Variants in RNF19A observed in about 807,000 individuals in gnomAD.
RNF19A encodes E3 ubiquitin-protein ligase RNF19A.
In RNF19A, 32 loss-of-function variants were observed where a neutral mutation model predicts 75.7. The observed-to-expected ratio is 0.42, with a 90% CI of 0.32 to 0.57. The LOEUF (loss-of-function observed/expected upper bound fraction) is 0.57. Among genes scored for constraint, RNF19A ranks in the 20% least tolerant of loss-of-function variants. The probability of loss-of-function intolerance (pLI) is 0.10; values close to 1 mark genes in which losing one functional copy is unlikely to be tolerated. For missense variants in RNF19A, 782 were observed against 1,036.3 expected (o/e 0.75, Z 3.37); for synonymous variants, 335 against 345.2 (o/e 0.97, Z 0.33).
chr8:100,261,828 T>A lies in RNF19A; in HGVS notation c.1469-73A>T. The A allele has an allele frequency of 1.4e-6, 2 of 1,422,428 alleles. No individual in the cohort carries two copies. The highest frequency in any genetic ancestry group is 2.0e-6 in the Non-Finnish European group (2 of 1,006,628). The allele number at this position is 1,422,428 out of a possible 1,614,324, so 88.1% of individuals were successfully genotyped here. On this transcript the variant is annotated intron_variant, in intron 7 of 9. Coordinates refer to ENST00000341084, the MANE Select transcript of RNF19A (RefSeq NM_183419.4). The surrounding 1 kb of genome is among the most constrained non-coding windows in gnomAD (Gnocchi z 4.4). ...TTCTCCTTCTTAAATTCCTCCATGA[T>A]TTCAGAGAGGACATTATATAAGGTA...
chr8:100,327,267 T>C (rs1300659286), intron 1 of RNF19A, among the ~76,000 whole-genome samples: 2 of 146,242 alleles, frequency 1.4e-5, no homozygotes, highest in African/African-American at 5.1e-5. Flanking sequence ...TTTTTTTTTT[T>C]TTGAGACAGA....
intron 3 of RNF19A, among the ~76,000 whole-genome samples, chr8:100,271,994 TAA>T (rs1459593065): frequency 6.6e-6 from 1 of 152,184 alleles, no homozygotes; most frequent in Non-Finnish European, 1.5e-5. Context: ...TGTTTACTGC[TAA>T]AATATGGGCC....
intron 1 of RNF19A, among the ~76,000 whole-genome samples, chr8:100,305,297 A>G (rs1822019506): frequency 6.6e-6 from 1 of 152,218 alleles, no homozygotes; most frequent in Non-Finnish European, 1.5e-5. Flanking sequence ...CTGACTTTCA[A>G]TCCAACTCAA....
At chr8:100,268,305 ATTG>A (rs1820084568) in intron 5 of RNF19A, among the ~76,000 whole-genome samples, 1 of 151,956 alleles carries the variant, frequency 6.6e-6, no homozygotes, top group Non-Finnish European at 1.5e-5. Context: ...CTTTCACAAG[ATTG>A]TTATAATTTG....
At chr8:100,293,240 T>C (rs926927703) in intron 1 of RNF19A, among the ~76,000 whole-genome samples, 89 of 152,242 alleles carry the variant, frequency 5.8e-4, no homozygotes, top group African/African-American at 2.1e-3. Context: ...TCTGGTGTCA[T>C]GTATCTTCAG....
chr8:100,264,116 G>C lies in RNF19A; in HGVS notation c.1386C>G (p.Val462=), dbSNP rs866332139. 3.7e-6 allele frequency: 6 copies of C among 1,613,460 alleles called. No individual in the cohort carries two copies. The highest frequency in any genetic ancestry group is 1.6e-4 in the Middle Eastern group (1 of 6,082). Residue 462 remains valine (V), a synonymous_variant, in exon 7 of 10, where the codon GTC becomes GTG. Coordinates refer to ENST00000341084, the MANE Select transcript of RNF19A (RefSeq NM_183419.4). The surrounding 1 kb of genome is among the most constrained non-coding windows in gnomAD (Gnocchi z 4.7). ...ISLCRSGGCG[V]SAGNGKGVRI... ...TAACTCCTTTTCCATTGCCTGCTGA[G>C]ACTCCACAACCTCCGCTTCGACAAA...
rs965233867 is a variant in RNF19A at position 100,261,987 on chromosome 8, T to A, written c.1469-232A>T. Among the ~76,000 whole-genome samples, 12 of 152,200 alleles carry A rather than the reference T, an allele frequency of 7.9e-5. No individual in the cohort carries two copies. The highest frequency in any genetic ancestry group is 1.6e-4 in the Non-Finnish European group (11 of 68,034). The stretch of plus-strand genomic sequence containing the variant: ...CCAGATTTAGGAATTCTATAAAGAA[T>A]ATGATTGTTAAAAAATATCGCTGAC... On this transcript the variant is annotated intron_variant, in intron 7 of 9. Coordinates refer to ENST00000341084, the MANE Select transcript of RNF19A (RefSeq NM_183419.4). The surrounding 1 kb of genome is among the most constrained non-coding windows in gnomAD (Gnocchi z 4.4).
Position 100,301,642 on chromosome 8 carries a change from C to T in RNF19A, c.-94+8225G>A, listed in dbSNP as rs114968943. Reference sequence around the variant, plus strand: ...GCTAGTCCTACTCCTCTTTCAAGGCCCAACTCCTATCTTATCTCCACAATC... The same window carrying T: ...GCTAGTCCTACTCCTCTTTCAAGGCTCAACTCCTATCTTATCTCCACAATC... On this transcript the variant is annotated intron_variant, in intron 1 of 9. Coordinates refer to ENST00000341084, the MANE Select transcript of RNF19A (RefSeq NM_183419.4). Among the ~76,000 whole-genome samples the T allele has an allele frequency of 1.2e-3, 189 of 152,290 alleles. 1 individual carries two copies. Among genetic ancestry groups the T allele is most frequent in the African/African-American group, 4.2e-3 (174 of 41,556 alleles).
chr8:100,261,813 T>G lies in RNF19A; in HGVS notation c.1469-58A>C, dbSNP rs1586592093. On this transcript the variant is annotated intron_variant, in intron 7 of 9. Coordinates refer to ENST00000341084, the MANE Select transcript of RNF19A (RefSeq NM_183419.4). The surrounding 1 kb of genome is among the most constrained non-coding windows in gnomAD (Gnocchi z 4.4). ...GTATGATTATCAATTTTCTCCTTCT[T>G]AAATTCCTCCATGATTTCAGAGAGG... 2.6e-6 allele frequency: 4 copies of G among 1,511,790 alleles called. No homozygotes were observed. The East Asian group carries it at 9.0e-5, about 34-fold the overall frequency. The allele number at this position is 1,511,790 out of a possible 1,614,324, so 93.6% of individuals were successfully genotyped here. A position where few individuals can be genotyped will look rare whatever the true frequency, so the allele number is the denominator to read the frequency against.
rs1243604916 is a variant in RNF19A, at chr8:100,324,788, TTTTC to T, written c.-243+11316_-243+11319del. ...TTGATTAAAGGCATTGATCTATCTT[TTTTC>T]TTTCTTTCTCTTTCTTCTTCCTTCC... On this transcript the variant is annotated intron_variant, in intron 1 of 3. Transcript: ENST00000519527. The surrounding 1 kb of genome is among the most constrained non-coding windows in gnomAD (Gnocchi z 4.2). Among the ~76,000 whole-genome samples the T allele has an allele frequency of 3.3e-5, 5 of 152,200 alleles. No individual in the cohort carries two copies. Among genetic ancestry groups the T allele is most frequent in the African/African-American group, 4.8e-5 (2 of 41,560 alleles).
At position 100,334,715 on chromosome 8, in the gene RNF19A, G is replaced by T. The variant is rs775958531; in HGVS notation, c.-243+1393C>A. On this transcript the variant is annotated intron_variant, in intron 1 of 3. Transcript: ENST00000519527. ...CCCACTCCTTTCAAGACCCAGCCCC[G>T]CTGGCGTGCACCCATTCAGCACTTT... Among the ~76,000 whole-genome samples, 4 of 152,116 alleles carry T rather than the reference G, an allele frequency of 2.6e-5. No homozygotes were observed. The East Asian group carries it at 7.7e-4, about 29-fold the overall frequency.
chr8:100,278,876 T>C lies in RNF19A; in HGVS notation c.675-3715A>G, dbSNP rs555470928. Among the ~76,000 whole-genome samples the C allele has an allele frequency of 2.0e-5, 3 of 152,208 alleles. No individual in the cohort carries two copies. The East Asian group carries it at 5.8e-4, about 29-fold the overall frequency. On this transcript the variant is annotated intron_variant, in intron 2 of 9. Coordinates refer to ENST00000341084, the MANE Select transcript of RNF19A (RefSeq NM_183419.4). ...GCCGTTTAAAAATTTCATGACAAGT[T>C]CCAAAATCTGGTACAATTTCCATAA...
At chr8:100,314,441 G>A (rs1641098396), upstream of RNF19A, among the ~76,000 whole-genome samples, 1 of 152,092 alleles carries the variant, frequency 6.6e-6, no homozygotes, top group Admixed American at 6.5e-5. This position sits in a 1 kb window ranked among gnomAD's most constrained non-coding sequence, Gnocchi z 4.1. Flanking sequence ...CTGGGATTTG[G>A]ACCATCCGGC....
chr8:100,293,064 G>C (rs762572010), intron 1 of RNF19A, among the ~76,000 whole-genome samples: 1 of 152,106 alleles, frequency 6.6e-6, no homozygotes, highest in East Asian at 1.9e-4. Flanking sequence ...AGTGCAGTTC[G>C]CAATACTCCT....
At chr8:100,293,404 T>C (rs1456584867) in intron 1 of RNF19A, among the ~76,000 whole-genome samples, 1 of 152,256 alleles carries the variant, frequency 6.6e-6, no homozygotes, top group East Asian at 1.9e-4. Flanking sequence ...CTTTATCCTT[T>C]CAGGACTTAA....
rs1820153881 is a variant in RNF19A, at chr8:100,269,552, C to G, written c.1028+317G>C. The stretch of plus-strand genomic sequence containing the variant: ...TATCTGATTATATCATAAACTCACT[C>G]TGTGCCTAAATGATAAAATTTATGT... On this transcript the variant is annotated intron_variant, in intron 4 of 9. Transcript: ENST00000341084. The surrounding 1 kb of genome is among the most constrained non-coding windows in gnomAD (Gnocchi z 5.7). Among the ~76,000 whole-genome samples, 2 of 152,066 alleles carry G rather than the reference C, an allele frequency of 1.3e-5. No individual in the cohort carries two copies. The highest frequency in any genetic ancestry group is 4.8e-5 in the African/African-American group (2 of 41,418).
chr8:100,325,789 A>G lies in RNF19A; in HGVS notation c.-243+10319T>C, dbSNP rs28542923. On this transcript the variant is annotated intron_variant, in intron 1 of 3. Coordinates refer to the RNF19A transcript ENST00000519527. The surrounding 1 kb of genome is among the most constrained non-coding windows in gnomAD (Gnocchi z 4.3). ...ATTACACACACACACACACATTTAT[A>G]TCCATAAAATCTAAGCTCATAATTT... 0.056 allele frequency among the ~76,000 whole-genome samples: 8,524 copies of G among 152,210 alleles called. 801 individuals are homozygous for G. Among genetic ancestry groups the G allele is most frequent in the African/African-American group, 0.19 (8,006 of 41,484 alleles).
intron 1 of RNF19A, among the ~76,000 whole-genome samples, chr8:100,307,397 G>A (rs1484584011): frequency 6.6e-6 from 1 of 151,928 alleles, no homozygotes; most frequent in African/African-American, 2.4e-5. Context: ...GGAAATTACA[G>A]AAAACTACAT....
intron 1 of RNF19A, among the ~76,000 whole-genome samples, chr8:100,315,181 A>G (rs1425385150): frequency 6.6e-6 from 1 of 152,164 alleles, no homozygotes; most frequent in East Asian, 1.9e-4. Flanking sequence ...CGAGCTACTC[A>G]GGAGGCTAAG....
Sources: allele counts gnomAD v4.1 joint callset (sites outside exome capture counted in the v4.1 genomes callset), GRCh38; gene constraint gnomAD v4.1.1; non-coding constraint Gnocchi (gnomAD v3.1); transcripts MANE v1.5; gene names NCBI Gene and HGNC (gene_info 2026-07-23, HGNC 2026-07-21).